Variants in FSIP2 observed in about 807,000 individuals in gnomAD.
The protein encoded by FSIP2 is fibrous sheath-interacting protein 2.
In FSIP2, 367 loss-of-function variants were observed where a neutral mutation model predicts 510.5. That is an observed-to-expected ratio of 0.72 (90% CI 0.66 to 0.78). The LOEUF (loss-of-function observed/expected upper bound fraction) is 0.78, where lower values mean the gene tolerates loss of function less well. Ranked by LOEUF, FSIP2 falls within the 30% of genes least tolerant of loss-of-function variation. FSIP2 has a pLI of 0.00. For synonymous variants in FSIP2, 2,601 were observed against 2,732.2 expected (o/e 0.95, Z 1.50); for missense variants, 7,594 against 7,901.7 (o/e 0.96, Z 1.48).
intron 19 of FSIP2, among the ~76,000 whole-genome samples, chr2:185,816,175 A>C (rs1021864365): frequency 8.4e-5 from 12 of 142,356 alleles, no homozygotes; most frequent in African/African-American, 3.1e-4. Flanking sequence ...AGAAGTACTC[A>C]TGTTATACAC....
chr2:185,830,853 A>G (rs920107129), intron 21 of FSIP2, among the ~76,000 whole-genome samples: 3 of 151,870 alleles, frequency 2.0e-5, no homozygotes, highest in African/African-American at 4.8e-5. Flanking sequence ...TTTAAAAAAT[A>G]TACATTAATG....
Position 185,792,097 on chromosome 2 carries a change from T to C in FSIP2, c.4961T>C (p.Ile1654Thr), listed in dbSNP as rs1222086897. 6.5e-7 allele frequency: 1 copy of C among 1,533,918 alleles called. No homozygotes were observed. Among genetic ancestry groups the C allele is most frequent in the African/African-American group, 1.4e-5 (1 of 72,868 alleles). Reference protein sequence around the residue: ...KKVSSAILKVIQTELNVTSSD... With the variant: ...KKVSSAILKVTQTELNVTSSD... ...GTATCAAGTGCTATTTTGAAGGTTATTCAAACAGAATTAAATGTGACCTCA... is the reference window on the plus strand; with the variant it reads ...GTATCAAGTGCTATTTTGAAGGTTACTCAAACAGAATTAAATGTGACCTCA... Residue 1654 changes from isoleucine (I) to threonine (T), a missense_variant, in exon 16 of 23, where the codon ATT becomes ACT. Coordinates refer to ENST00000424728, the MANE Select transcript of FSIP2 (RefSeq NM_173651.4).
At chr2:185,739,154 G>A in intron 1 of FSIP2, 161 bp downstream of exon 1, 1 of 1,174,132 alleles carries the variant, frequency 8.5e-7, no homozygotes, top group East Asian at 2.6e-5. Context: ...GGCTCGGACT[G>A]TACCGGCCGC....
chr2:185,780,249 T>G (rs1310813934), intron 13 of FSIP2, among the ~76,000 whole-genome samples: 2 of 151,992 alleles, frequency 1.3e-5, no homozygotes, highest in African/African-American at 4.8e-5. Flanking sequence ...CATTTCCTCT[T>G]TCTATATTGC....
intron 11 of FSIP2, 86 bp from the exon 12 acceptor site, chr2:185,763,097 T>A (rs2105560094): frequency 1.5e-6 from 1 of 672,660 alleles, no homozygotes; most frequent in African/African-American, 1.8e-5. Context: ...GCAGGGAGAA[T>A]GTTGGAGTAA....
rs1693558356 is a variant in FSIP2, at chr2:185,805,885, A to G, written c.16579A>G (p.Ile5527Val). 1 of 1,608,940 alleles carries G rather than the reference A, an allele frequency of 6.2e-7. No homozygotes were observed. Among genetic ancestry groups the G allele is most frequent in the Non-Finnish European group, 8.5e-7 (1 of 1,177,744 alleles). Residue 5527 changes from isoleucine (I) to valine (V), a missense_variant, in exon 17 of 23, where the codon ATT becomes GTT. Physicochemically the swap from Ile to Val is conservative, Grantham distance 29 (BLOSUM62 3). Coordinates refer to ENST00000424728, the MANE Select transcript of FSIP2 (RefSeq NM_173651.4). Reference protein sequence around the residue: ...KKEVDENKVGICTQKHSENVS... With the variant: ...KKEVDENKVGVCTQKHSENVS... ...GGAAGTGGATGAAAATAAAGTGGGA[A>G]TTTGTACTCAAAAACATAGTGAGAA... is the stretch of plus-strand genomic sequence containing the variant.
chr2:185,782,746 C>A lies in FSIP2; in HGVS notation c.1453C>A (p.Pro485Thr). The change falls in exon 14 of 23, where the codon CCT becomes ACT. Residue 485 changes from proline to threonine, a missense_variant. Coordinates refer to ENST00000424728, the MANE Select transcript of FSIP2 (RefSeq NM_173651.4). The stretch of plus-strand genomic sequence containing the variant: ...TACAGACCCGGGTATATTTTCTTCT[C>A]CTGTTTACACAAATATGTAAGTACC... ...HATDPGIFSS[P>T]VYTNMQQNLL... is the part of the protein sequence containing the mutation. 1 of 1,499,504 alleles carries A rather than the reference C, an allele frequency of 6.7e-7. No individual in the cohort carries two copies. The highest frequency in any genetic ancestry group is 9.0e-7 in the Non-Finnish European group (1 of 1,113,680). 92.9% of individuals were successfully genotyped at this position (1,499,504 alleles called of 1,614,324 possible). A position where few individuals can be genotyped will look rare whatever the true frequency, so the allele number is the denominator to read the frequency against.
At position 185,802,678 on chromosome 2, in the gene FSIP2, C is replaced by A. The variant is rs1036647737; in HGVS notation, c.13372C>A (p.Pro4458Thr). Residue 4458 changes from proline to threonine, a missense_variant, in exon 17 of 23, where the codon CCT becomes ACT. Coordinates refer to ENST00000424728, the MANE Select transcript of FSIP2 (RefSeq NM_173651.4). ...ATCTACTGAGCCAAGCCAGAGTGTA[C>A]CTCTATATAACACCTTGCTGCCATA... Reference protein sequence around the residue: ...SKSTEPSQSVPLYNTLLPYTF... With the variant: ...SKSTEPSQSVTLYNTLLPYTF... The A allele has an allele frequency of 3.3e-6, 5 of 1,532,916 alleles. No individual in the cohort carries two copies. In the African/African-American group the frequency reaches 6.9e-5, roughly 21 times the overall value. 95.0% of individuals were successfully genotyped at this position (1,532,916 alleles called of 1,614,324 possible). A position where few individuals can be genotyped will look rare whatever the true frequency, so the allele number is the denominator to read the frequency against.
chr2:185,776,914 A>G (rs1273717362), intron 13 of FSIP2, among the ~76,000 whole-genome samples: 3 of 151,956 alleles, frequency 2.0e-5, no homozygotes, highest in East Asian at 1.9e-4. Context: ...AGTAGAGACC[A>G]GGTTTCGCCA....
chr2:185,800,073 C>G lies in FSIP2; in HGVS notation c.10767C>G (p.Tyr3589Ter). 1 of 1,532,396 alleles carries G rather than the reference C, an allele frequency of 6.5e-7. No homozygotes were observed. Among genetic ancestry groups the G allele is most frequent in the Non-Finnish European group, 8.7e-7 (1 of 1,144,226 alleles). The allele number at this position is 1,532,396 out of a possible 1,614,324, so 94.9% of individuals were successfully genotyped here. ...AQKMVAIPTK[Y>*]TYCPGIVSGG... Reference sequence around the variant, plus strand: ...AAATGGTTGCCATACCTACAAAATACACTTACTGTCCAGGAATAGTTTCTG... The same window carrying G: ...AAATGGTTGCCATACCTACAAAATAGACTTACTGTCCAGGAATAGTTTCTG... The change falls in exon 17 of 23, where the codon TAC (tyrosine) becomes TAG (stop). Residue 3589 changes from tyrosine (Y) to a stop codon, truncating the protein, a stop_gained. Transcript: ENST00000424728. LOFTEE classifies it high-confidence loss of function.
chr2:185,811,631 A>G, intron 17 of FSIP2, among the ~76,000 whole-genome samples: 1 of 152,106 alleles, frequency 6.6e-6, no homozygotes, highest in East Asian at 1.9e-4. Flanking sequence ...CTAATGTTCA[A>G]GACAATGGAG....
intron 13 of FSIP2, among the ~76,000 whole-genome samples, chr2:185,767,863 A>G (rs1054558541): frequency 3.3e-5 from 5 of 152,150 alleles, no homozygotes; most frequent in Non-Finnish European, 5.9e-5. Context: ...TAACGAAAAC[A>G]TATGATTTCA....
chr2:185,757,467 T>C (rs944065352), intron 9 of FSIP2, among the ~76,000 whole-genome samples: 1 of 151,380 alleles, frequency 6.6e-6, no homozygotes, highest in African/African-American at 2.4e-5. Flanking sequence ...TACTCTCTTG[T>C]TTCAGTGAAG....
At chr2:185,760,223 T>G (rs1359182929) in intron 9 of FSIP2, among the ~76,000 whole-genome samples, 2 of 150,602 alleles carry the variant, frequency 1.3e-5, no homozygotes, top group East Asian at 3.9e-4. Flanking sequence ...AAATTTTACT[T>G]TGATATTTAT....
chr2:185,759,665 T>A (rs1260986738), intron 9 of FSIP2, among the ~76,000 whole-genome samples: 1 of 146,690 alleles, frequency 6.8e-6, no homozygotes, highest in Non-Finnish European at 1.5e-5. Flanking sequence ...TATTATATAT[T>A]ATACATAATA....
Position 185,801,192 on chromosome 2 carries a change from T to A in FSIP2, c.11886T>A (p.His3962Gln). The A allele has an allele frequency of 2.0e-6, 3 of 1,534,134 alleles. No homozygotes were observed. The highest frequency in any genetic ancestry group is 2.6e-6 in the Non-Finnish European group (3 of 1,145,522). The change falls in exon 17 of 23, where the codon CAT (histidine) becomes CAA (glutamine). Residue 3962 changes from histidine to glutamine, a missense_variant. Physicochemically the swap from His to Gln is conservative, Grantham distance 24. Coordinates refer to ENST00000424728, the MANE Select transcript of FSIP2 (RefSeq NM_173651.4). ...MDKVAIHNKL[H>Q]QEGIYAGVYS... ...AGGTAGCCATTCATAATAAGCTACA[T>A]CAGGAAGGTATATATGCTGGTGTTT...
rs573695530 is a variant in FSIP2 at position 185,805,671 on chromosome 2, C to A, written c.16365C>A (p.Cys5455Ter). 1.2e-6 allele frequency: 2 copies of A among 1,610,214 alleles called. No individual in the cohort carries two copies. The highest frequency in any genetic ancestry group is 4.5e-5 in the East Asian group (2 of 44,752). ...AAGATACTTCTTCCACCCCAGATTGCAAAAACATGATGAGCACTTTGGAAA... is the reference window on the plus strand; with the variant it reads ...AAGATACTTCTTCCACCCCAGATTGAAAAAACATGATGAGCACTTTGGAAA... ...SYKDTSSTPDCKNMMSTLEIN... is the reference protein window; with the variant it reads ...SYKDTSSTPD The change falls in exon 17 of 23, where the codon TGC becomes TGA. Residue 5455 changes from cysteine to a stop codon, truncating the protein, a stop_gained. Transcript: ENST00000424728. LOFTEE classifies it high-confidence loss of function.
At chr2:185,758,815 G>C (rs535957034) in intron 9 of FSIP2, among the ~76,000 whole-genome samples, 40 of 151,252 alleles carry the variant, frequency 2.6e-4, no homozygotes, top group Middle Eastern at 3.4e-3. Context: ...CCATTCTATT[G>C]ATGTATTTAT....
Position 185,813,548 on chromosome 2 carries a change from GT to G in FSIP2, c.19833del (p.Ala6612LeufsTer8). ...GRLDVKPLEA[V>X]ARNSFQNIRK... is the part of the protein sequence containing the mutation. ...TTTGCTATACCTTTAATTTCAGGCC[GT>G]TGCTAGAAATTCATTTCAGAATATA... On this transcript the variant is annotated frameshift_variant, in exon 18 of 23. Coordinates refer to ENST00000424728, the MANE Select transcript of FSIP2 (RefSeq NM_173651.4). LOFTEE classifies it high-confidence loss of function. 3.3e-6 allele frequency: 5 copies of G among 1,514,760 alleles called. No homozygotes were observed. The South Asian group carries it at 5.3e-5, about 16-fold the overall frequency. The allele number at this position is 1,514,760 out of a possible 1,614,324, so 93.8% of individuals were successfully genotyped here.
Sources: gnomAD v4.1 joint callset for allele counts (sites outside exome capture counted in the v4.1 genomes callset) on GRCh38, gnomAD v4.1.1 for gene constraint, MANE v1.5 for transcripts, NCBI Gene and HGNC (gene_info 2026-07-23, HGNC 2026-07-21) for gene names.